Variants in ADARB2 observed in about 807,000 individuals in gnomAD.
ADARB2 encodes the protein adenosine deaminase RNA specific B2 (inactive), also known as inactive double-stranded RNA-specific editase B2.
In ADARB2, 25 loss-of-function variants were observed where a neutral mutation model predicts 62.2. That is an observed-to-expected ratio of 0.40 (90% CI 0.29 to 0.56). The LOEUF (loss-of-function observed/expected upper bound fraction) is 0.56, where lower values mean the gene tolerates loss of function less well. Ranked by LOEUF, ADARB2 falls within the 20% of genes least tolerant of loss-of-function variation. ADARB2 has a pLI of 0.43. For missense variants in ADARB2, 1,071 were observed against 1,077.4 expected (o/e 0.99, Z 0.08); for synonymous variants, 572 against 500.8 (o/e 1.14, Z -1.90).
chr10:1,705,868 AT>A lies in ADARB2; in HGVS notation c.100+31182del, dbSNP rs200276689. Among the ~76,000 whole-genome samples, 352 of 150,790 alleles carry A rather than the reference AT, an allele frequency of 2.3e-3. 1 individual carries two copies. Among genetic ancestry groups the A allele is most frequent in the African/African-American group, 7.1e-3 (292 of 41,094 alleles). On this transcript the variant is annotated intron_variant, in intron 1 of 9. Transcript: ENST00000381312. ...TGGAGATCAAATTTTGCTTTGATTG[AT>A]TTTTTTTTTCTCTTAAGTATTGCTT...
intron 4 of ADARB2, among the ~76,000 whole-genome samples, chr10:1,244,428 G>A (rs1221366693): frequency 2.0e-5 from 3 of 152,190 alleles, no homozygotes; most frequent in Non-Finnish European, 1.5e-5. Context: ...GTGAGGCCCC[G>A]GCCTGCTCCT....
Position 1,371,405 on chromosome 10 carries a change from C to G in ADARB2, c.188-7488G>C, listed in dbSNP as rs577537420. Among the ~76,000 whole-genome samples the G allele has an allele frequency of 9.9e-5, 15 of 152,018 alleles. No individual in the cohort carries two copies. In the South Asian group the frequency reaches 3.1e-3, roughly 32 times the overall value. On this transcript the variant is annotated intron_variant, in intron 2 of 9. Transcript: ENST00000381312. ...AGGCAAAAGATTTATGATGAAGGCC[C>G]CAAAAGGAAATGCACAAATCCAGAA...
intron 6 of ADARB2, among the ~76,000 whole-genome samples, chr10:1,228,800 G>T (rs1257810846): frequency 6.6e-6 from 1 of 152,230 alleles, no homozygotes; most frequent in Non-Finnish European, 1.5e-5. Context: ...CCAGCCATAA[G>T]CTCTGCCTGG....
At chr10:1,711,207 G>A (rs762484653) in intron 1 of ADARB2, among the ~76,000 whole-genome samples, 1 of 152,176 alleles carries the variant, frequency 6.6e-6, no homozygotes, top group African/African-American at 2.4e-5. Context: ...TTTGGCCAGT[G>A]GGGAGCTGAC....
At chr10:1,346,021 TATC>T (rs888543601) in intron 3 of ADARB2, among the ~76,000 whole-genome samples, 7 of 152,164 alleles carry the variant, frequency 4.6e-5, no homozygotes, top group Admixed American at 3.9e-4. Context: ...CTGTGTGTAT[TATC>T]ATCATGATCA....
At chr10:1,473,433 A>T (rs1831354255) in intron 1 of ADARB2, among the ~76,000 whole-genome samples, 1 of 151,630 alleles carries the variant, frequency 6.6e-6, no homozygotes, top group Admixed American at 6.6e-5. Context: ...CTCGGGCTGG[A>T]GTGCAGTGGT....
At chr10:1,295,926 C>T (rs141643584) in intron 3 of ADARB2, among the ~76,000 whole-genome samples, 79 of 152,276 alleles carry the variant, frequency 5.2e-4, no homozygotes, top group Admixed American at 7.2e-4. Context: ...CCAAGCGCAA[C>T]GGCTCAGTCA....
intron 1 of ADARB2, among the ~76,000 whole-genome samples, chr10:1,507,453 C>G (rs1423498678): frequency 6.6e-6 from 1 of 152,244 alleles, no homozygotes; most frequent in Non-Finnish European, 1.5e-5. Context: ...CTTCTGCTCA[C>G]ACTGCCCTTC....
At chr10:1,489,499 A>T (rs1000632923) in intron 1 of ADARB2, among the ~76,000 whole-genome samples, 6 of 152,238 alleles carry the variant, frequency 3.9e-5, no homozygotes. Flanking sequence ...CACAGCCGCC[A>T]CTTAATGTGT....
intron 1 of ADARB2, among the ~76,000 whole-genome samples, chr10:1,436,661 T>A (rs1056837149): frequency 1.3e-5 from 2 of 152,240 alleles, no homozygotes; most frequent in Non-Finnish European, 2.9e-5. Context: ...CAGATACATC[T>A]CAATTTCCCT....
At chr10:1,344,769 G>A (rs1395948450) in intron 3 of ADARB2, among the ~76,000 whole-genome samples, 1 of 152,200 alleles carries the variant, frequency 6.6e-6, no homozygotes, top group Non-Finnish European at 1.5e-5. Flanking sequence ...TGTACTGTGG[G>A]GCCCCAAATA....
At chr10:1,598,282 A>G (rs1440355796) in intron 1 of ADARB2, among the ~76,000 whole-genome samples, 1 of 151,782 alleles carries the variant, frequency 6.6e-6, no homozygotes, top group East Asian at 1.9e-4. Flanking sequence ...CCTGCTCACA[A>G]TTCCAGAGGT....
chr10:1,240,304 C>T (rs548689353), intron 5 of ADARB2: 4 of 136,354 alleles, frequency 2.9e-5, no homozygotes, highest in African/African-American at 6.4e-5. Flanking sequence ...TCCCCTCTCC[C>T]TCCCGGTGTT....
intron 1 of ADARB2, among the ~76,000 whole-genome samples, chr10:1,694,241 G>A (rs1402431869): frequency 6.6e-6 from 1 of 152,210 alleles, no homozygotes; most frequent in Non-Finnish European, 1.5e-5. Context: ...TATTGATTAA[G>A]CATCACATCT....
At position 1,185,225 on chromosome 10, in the gene ADARB2, G is replaced by A. The variant is rs565883073; in HGVS notation, c.1865-186C>T. Among the ~76,000 whole-genome samples, 9 of 152,378 alleles carry A rather than the reference G, an allele frequency of 5.9e-5. No homozygotes were observed. In the South Asian group the frequency reaches 1.7e-3, roughly 28 times the overall value. On this transcript the variant is annotated intron_variant, in intron 8 of 9. Coordinates refer to ENST00000381312, the MANE Select transcript of ADARB2 (RefSeq NM_018702.4). ...GCTGCAAATTGGGCAGGATCGTGGT[G>A]GCCGCCTCGGGTCCACGGCGTCGCT... is the stretch of plus-strand genomic sequence containing the variant.
intron 6 of ADARB2, among the ~76,000 whole-genome samples, chr10:1,219,241 C>T (rs1034824972): frequency 1.3e-5 from 2 of 152,094 alleles, no homozygotes; most frequent in Non-Finnish European, 2.9e-5. Flanking sequence ...TATAAATTAC[C>T]CAGTCTCAGG....
chr10:1,200,177 C>T (rs1471752397), intron 7 of ADARB2, 30 bp from the exon 8 acceptor site: 1 of 1,550,394 alleles, frequency 6.4e-7, no homozygotes, highest in Non-Finnish European at 8.7e-7. Context: ...TCAGCGGAGC[C>T]CCACCCAGGA....
intron 4 of ADARB2, among the ~76,000 whole-genome samples, chr10:1,266,516 G>C (rs1390053637): frequency 2.0e-5 from 3 of 151,102 alleles, no homozygotes; most frequent in Admixed American, 6.6e-5. Context: ...GGGGGTGGGG[G>C]GGGGGCCGTG....
chr10:1,389,460 A>G (rs1832550495), intron 1 of ADARB2, among the ~76,000 whole-genome samples: 1 of 152,214 alleles, frequency 6.6e-6, no homozygotes, highest in Non-Finnish European at 1.5e-5. Context: ...CCACTTATAA[A>G]AAGTGGGCAA....
Sources: allele counts gnomAD v4.1 joint callset (sites outside exome capture counted in the v4.1 genomes callset), GRCh38; gene constraint gnomAD v4.1.1; transcripts MANE v1.5; gene names NCBI Gene and HGNC (gene_info 2026-07-23, HGNC 2026-07-21).